Variants in DPYD observed in about 807,000 individuals in gnomAD.
DPYD encodes the protein dihydropyrimidine dehydrogenase, also known as dihydropyrimidine dehydrogenase [NADP(+)].
A neutral mutation model predicts 116.2 loss-of-function variants in DPYD; 109 were observed. The observed-to-expected ratio is 0.94, with a 90% CI of 0.80 to 1.10. The LOEUF (loss-of-function observed/expected upper bound fraction) is 1.10. Ranked by LOEUF, DPYD falls within the 50% of genes least tolerant of loss-of-function variation. The pLI is 0.00. For missense variants in DPYD, 1,302 were observed against 1,254.5 expected, an observed-to-expected ratio of 1.04 and a Z score of -0.57; for synonymous variants, 440 against 432.0, an observed-to-expected ratio of 1.02 and a Z score of -0.23.
chr1:97,299,470 C>T (rs996572924), intron 18 of DPYD, among the ~76,000 whole-genome samples: 1 of 151,932 alleles, frequency 6.6e-6, no homozygotes, highest in African/African-American at 2.4e-5. Flanking sequence ...ATCCAGGTAC[C>T]CATGAATTTG....
intron 19 of DPYD, among the ~76,000 whole-genome samples, chr1:97,210,853 A>G (rs1659988400): frequency 6.6e-6 from 1 of 152,122 alleles, no homozygotes; most frequent in African/African-American, 2.4e-5. Context: ...CTTTCTTTTC[A>G]TGTCCACAAC....
At chr1:97,460,704 C>G (rs1449014502) in intron 13 of DPYD, among the ~76,000 whole-genome samples, 1 of 152,020 alleles carries the variant, frequency 6.6e-6, no homozygotes, top group African/African-American at 2.4e-5. Flanking sequence ...GAACTCCTTC[C>G]CTGGAATCTA....
chr1:97,271,712 C>T (rs1664593697), intron 18 of DPYD, among the ~76,000 whole-genome samples: 6 of 152,172 alleles, frequency 3.9e-5, no homozygotes, highest in Admixed American at 3.9e-4. Context: ...TCCCTACTCA[C>T]TACTGTTTTG....
intron 3 of DPYD, among the ~76,000 whole-genome samples, chr1:97,825,209 ATT>A: frequency 6.6e-6 from 1 of 152,208 alleles, no homozygotes; most frequent in East Asian, 1.9e-4. Flanking sequence ...ATCTAAAGTG[ATT>A]TGTAAACTCG....
chr1:97,595,184 TA>T lies in DPYD; in HGVS notation c.851-19del. ...TGGCAAACCTAAGTAATCAAATTTA[TA>T]AAATATCATTAGCAGGAGGAGGGGC... On this transcript the variant is annotated intron_variant, in intron 8 of 22. Transcript: ENST00000370192. The T allele has an allele frequency of 6.3e-7, 1 of 1,599,108 alleles. No individual in the cohort carries two copies. The highest frequency in any genetic ancestry group is 1.1e-5 in the South Asian group (1 of 90,756).
At chr1:97,497,898 A>G (rs538918572) in intron 13 of DPYD, among the ~76,000 whole-genome samples, 31 of 151,964 alleles carry the variant, frequency 2.0e-4, no homozygotes, top group Non-Finnish European at 3.7e-4. Context: ...AGAAATATTT[A>G]TAATAGGTAA....
intron 3 of DPYD, among the ~76,000 whole-genome samples, chr1:97,800,522 T>C (rs1223853759): frequency 6.6e-6 from 1 of 151,894 alleles, no homozygotes; most frequent in Non-Finnish European, 1.5e-5. Flanking sequence ...ACTCCCACTC[T>C]CCCATTCCCC....
chr1:97,767,225 G>A (rs958820306), intron 3 of DPYD, among the ~76,000 whole-genome samples: 1 of 152,084 alleles, frequency 6.6e-6, no homozygotes, highest in Non-Finnish European at 1.5e-5. Flanking sequence ...GGTTTGGATT[G>A]GGCATATTTT....
chr1:97,844,200 G>A (rs1476618437), intron 2 of DPYD, among the ~76,000 whole-genome samples: 1 of 152,180 alleles, frequency 6.6e-6, no homozygotes, highest in Non-Finnish European at 1.5e-5. Context: ...GCCAAACCAT[G>A]GTGATACTGC....
intron 13 of DPYD, among the ~76,000 whole-genome samples, chr1:97,457,652 C>T (rs1324513989): frequency 6.6e-6 from 1 of 152,064 alleles, no homozygotes; most frequent in Non-Finnish European, 1.5e-5. Flanking sequence ...CAGAAACAGT[C>T]AAAACAAAAG....
intron 12 of DPYD, among the ~76,000 whole-genome samples, chr1:97,526,511 T>A (rs561909263): frequency 9.2e-5 from 14 of 152,286 alleles, no homozygotes; most frequent in South Asian, 2.1e-4. Flanking sequence ...ATAGTATTTT[T>A]AAAAATATTT....
chr1:97,314,431 C>A (rs561321021), intron 16 of DPYD, among the ~76,000 whole-genome samples: 1 of 151,018 alleles, frequency 6.6e-6, no homozygotes, highest in East Asian at 2.0e-4. Flanking sequence ...CCCTAGTGTA[C>A]CATTCCTCTG....
At chr1:97,310,423 A>T (rs1667436142) in intron 16 of DPYD, among the ~76,000 whole-genome samples, 1 of 151,828 alleles carries the variant, frequency 6.6e-6, no homozygotes, top group Non-Finnish European at 1.5e-5. Flanking sequence ...AACTAGAACT[A>T]TCGAAGGCTT....
At chr1:97,759,803 G>T (rs541276453) in intron 3 of DPYD, among the ~76,000 whole-genome samples, 1 of 152,088 alleles carries the variant, frequency 6.6e-6, no homozygotes, top group East Asian at 1.9e-4. Context: ...TACTTACAAT[G>T]GGACAAACAC....
At chr1:97,186,005 A>C (rs1570625439) in intron 20 of DPYD, among the ~76,000 whole-genome samples, 1 of 152,350 alleles carries the variant, frequency 6.6e-6, no homozygotes. Flanking sequence ...TAAGTGGCAT[A>C]GAAGATACAA....
chr1:97,850,309 A>G, intron 2 of DPYD, among the ~76,000 whole-genome samples: 1 of 152,212 alleles, frequency 6.6e-6, no homozygotes, highest in East Asian at 1.9e-4. Context: ...CCTTTCTTGC[A>G]AATGGTAAAA....
chr1:97,834,844 T>C (rs1041544404), intron 2 of DPYD, among the ~76,000 whole-genome samples: 2 of 151,920 alleles, frequency 1.3e-5, no homozygotes, highest in Non-Finnish European at 2.9e-5. Context: ...CAACAAGAAG[T>C]CTCAAAACTA....
intron 21 of DPYD, among the ~76,000 whole-genome samples, chr1:97,088,830 A>G (rs548841610): frequency 1.3e-5 from 2 of 152,140 alleles, no homozygotes; most frequent in Non-Finnish European, 2.9e-5. Flanking sequence ...CAGTTTTTAA[A>G]GTTCAGTTTG....
At chr1:97,126,463 A>G (rs910771422) in intron 20 of DPYD, among the ~76,000 whole-genome samples, 2 of 152,130 alleles carry the variant, frequency 1.3e-5, no homozygotes, top group African/African-American at 2.4e-5. Context: ...GTTCCATTAC[A>G]TATCATGCCC....
Sources: gnomAD v4.1 joint callset for allele counts (sites outside exome capture counted in the v4.1 genomes callset) on GRCh38, gnomAD v4.1.1 for gene constraint, MANE v1.5 for transcripts, NCBI Gene and HGNC (gene_info 2026-07-23, HGNC 2026-07-21) for gene names.